The following SUCLG2 variants were observed in gnomAD, a reference collection of about 807,000 sequenced individuals.
SUCLG2 encodes succinate-CoA ligase GDP-forming subunit beta.
SUCLG2 carries 42 observed loss-of-function variants against 47.9 expected under a neutral mutation model. The ratio of observed to expected loss-of-function variants is 0.88; its 90% CI spans 0.69 to 1.14. The LOEUF is 1.14. Ranked by LOEUF, SUCLG2 falls within the 50% of genes most tolerant of loss-of-function variation. The pLI is 0.00. For missense variants in SUCLG2, 571 were observed against 525.9 expected (o/e 1.09, Z -0.84); for synonymous variants, 195 against 197.3 (o/e 0.99, Z 0.10).
At chr3:67,430,772 G>A (rs1302791351) in intron 9 of SUCLG2, among the ~76,000 whole-genome samples, 1 of 151,888 alleles carries the variant, frequency 6.6e-6, no homozygotes, top group Non-Finnish European at 1.5e-5. Flanking sequence ...AAGGGGATAT[G>A]ACCACCGATC....
intron 9 of SUCLG2, among the ~76,000 whole-genome samples, chr3:67,435,946 G>T (rs1703607876): frequency 6.6e-6 from 1 of 152,192 alleles, no homozygotes; most frequent in African/African-American, 2.4e-5. Flanking sequence ...GAGGAATAGT[G>T]TCTCCCAAAA....
chr3:67,380,691 G>A (rs188093974), intron 10 of SUCLG2, among the ~76,000 whole-genome samples: 2,298 of 73,482 alleles, frequency 0.031, 28 homozygotes, highest in East Asian at 0.08. Context: ...GGGGGGTAGA[G>A]AGAGAGAGAG....
At chr3:67,581,813 T>A (rs968381138) in intron 2 of SUCLG2, among the ~76,000 whole-genome samples, 7 of 152,286 alleles carry the variant, frequency 4.6e-5, no homozygotes, top group Admixed American at 2.0e-4. Flanking sequence ...AAAGACCCGG[T>A]GGTATTTAAG....
intron 1 of SUCLG2, among the ~76,000 whole-genome samples, chr3:67,654,090 C>A (rs532330454): frequency 2.0e-5 from 3 of 152,184 alleles, no homozygotes; most frequent in Non-Finnish European, 4.4e-5. Flanking sequence ...ATGTTTATCA[C>A]GTGGTCTAAA....
intron 10 of SUCLG2, among the ~76,000 whole-genome samples, chr3:67,391,480 G>C (rs1702380828): frequency 6.6e-6 from 1 of 152,136 alleles, no homozygotes; most frequent in African/African-American, 2.4e-5. Flanking sequence ...GGCAGCCATA[G>C]AGTTTTCAGC....
chr3:67,380,446 C>T (rs1389126250), intron 10 of SUCLG2, among the ~76,000 whole-genome samples: 1 of 152,146 alleles, frequency 6.6e-6, no homozygotes, highest in Admixed American at 6.5e-5. Flanking sequence ...CCTTCAGTGC[C>T]ATGTGAAAAT....
intron 1 of SUCLG2, among the ~76,000 whole-genome samples, chr3:67,631,014 A>T (rs1239079737): frequency 1.3e-5 from 2 of 152,214 alleles, no homozygotes; most frequent in African/African-American, 4.8e-5. Flanking sequence ...TATGAAGAAG[A>T]CCAATGTCCT....
chr3:67,572,711 T>C (rs1707646502), intron 2 of SUCLG2, among the ~76,000 whole-genome samples: 2 of 152,056 alleles, frequency 1.3e-5, no homozygotes. Flanking sequence ...ACAAATATCA[T>C]ACTTACTGGG....
intron 2 of SUCLG2, among the ~76,000 whole-genome samples, chr3:67,548,950 A>G (rs554033284): frequency 6.6e-6 from 1 of 152,162 alleles, no homozygotes; most frequent in South Asian, 2.1e-4. Context: ...AACACTCCTA[A>G]ATCAGTCACA....
chr3:67,388,185 A>G (rs1447833845), intron 10 of SUCLG2, among the ~76,000 whole-genome samples: 1 of 152,234 alleles, frequency 6.6e-6, no homozygotes, highest in Non-Finnish European at 1.5e-5. Flanking sequence ...GAGATCAAAG[A>G]GGGCACTGCC....
chr3:67,487,499 T>TACACACAC (rs143841918), intron 9 of SUCLG2, among the ~76,000 whole-genome samples: 65,672 of 149,712 alleles, frequency 0.44, 14,420 homozygotes, highest in Admixed American at 0.5. Flanking sequence ...AACACACATA[T>TACACACAC]ACACACACAC....
At chr3:67,402,580 C>T (rs1305808872) in intron 9 of SUCLG2, among the ~76,000 whole-genome samples, 1 of 152,130 alleles carries the variant, frequency 6.6e-6, no homozygotes, top group Non-Finnish European at 1.5e-5. Flanking sequence ...GCAGTAGTTT[C>T]CAAATAACTG....
intron 1 of SUCLG2, among the ~76,000 whole-genome samples, chr3:67,649,807 T>C (rs1265780898): frequency 1.3e-5 from 2 of 152,224 alleles, no homozygotes; most frequent in Non-Finnish European, 2.9e-5. Flanking sequence ...AATTGCAGAT[T>C]GAGTGGTAAA....
intron 1 of SUCLG2, among the ~76,000 whole-genome samples, chr3:67,653,868 AAGG>A (rs1011070339): frequency 1.3e-5 from 2 of 152,204 alleles, no homozygotes; most frequent in African/African-American, 4.8e-5. Context: ...CTCCATCAAC[AAGG>A]AGGACATGGA....
intron 10 of SUCLG2, among the ~76,000 whole-genome samples, chr3:67,395,456 T>G (rs1702501550): frequency 2.0e-5 from 3 of 152,142 alleles, no homozygotes; most frequent in Admixed American, 1.3e-4. Flanking sequence ...AGGGATCAAT[T>G]CAACAAGAAG....
chr3:67,497,438 C>G (rs1432009149), intron 8 of SUCLG2, among the ~76,000 whole-genome samples: 3 of 152,132 alleles, frequency 2.0e-5, no homozygotes, highest in Admixed American at 6.6e-5. Context: ...ATTGCTTCTA[C>G]AGACATTCTT....
At chr3:67,442,871 T>C (rs1037388049) in intron 9 of SUCLG2, among the ~76,000 whole-genome samples, 2 of 152,122 alleles carry the variant, frequency 1.3e-5, no homozygotes, top group Admixed American at 6.6e-5. Flanking sequence ...AAAATAAAAA[T>C]GCACTCCTGA....
chr3:67,449,961 A>G (rs1278952485), intron 9 of SUCLG2, among the ~76,000 whole-genome samples: 1 of 152,180 alleles, frequency 6.6e-6, no homozygotes, highest in Non-Finnish European at 1.5e-5. Flanking sequence ...AGAGAACAGT[A>G]TCACTATCAA....
intron 1 of SUCLG2, among the ~76,000 whole-genome samples, chr3:67,645,320 A>G (rs1378079944): frequency 6.6e-6 from 1 of 152,118 alleles, no homozygotes; most frequent in African/African-American, 2.4e-5. Flanking sequence ...GACACTCACA[A>G]CATGCTATGC....
Sources: gnomAD v4.1 joint callset for allele counts (sites outside exome capture counted in the v4.1 genomes callset) on GRCh38, gnomAD v4.1.1 for gene constraint, MANE v1.5 for transcripts, NCBI Gene and HGNC (gene_info 2026-07-23, HGNC 2026-07-21) for gene names.